The following GDF1 variants were observed in gnomAD, a reference collection of about 807,000 sequenced individuals.
The protein encoded by GDF1 is embryonic growth/differentiation factor 1.
In GDF1, 8 loss-of-function variants were observed where a neutral mutation model predicts 7.4. The observed-to-expected ratio is 1.09, with a 90% CI of 0.64 to 1.96. The LOEUF is 1.96. Among genes scored for constraint, GDF1 ranks in the 30% most tolerant of loss-of-function variants. GDF1 has a pLI of 0.00. For synonymous variants in GDF1, 311 were observed against 276.7 expected, an observed-to-expected ratio of 1.12 and a Z score of -1.23; for missense variants, 574 against 551.5, an observed-to-expected ratio of 1.04 and a Z score of -0.41.
At chr19:18,892,803 C>G (rs372159137) in intron 2 of GDF1, among the ~76,000 whole-genome samples, 37 of 152,272 alleles carry the variant, frequency 2.4e-4, no homozygotes, top group East Asian at 1.4e-3. Flanking sequence ...AGCTCCAACA[C>G]GGCCAGATAC....
chr19:18,884,441 C>T (rs2056299903), intron 2 of GDF1, among the ~76,000 whole-genome samples, 174 bp from the exon 3 acceptor site: 1 of 149,940 alleles, frequency 6.7e-6, no homozygotes, highest in Non-Finnish European at 1.5e-5. Context: ...TTCTTTGAGA[C>T]GGAGTCTCCC....
intron 2 of GDF1, among the ~76,000 whole-genome samples, chr19:18,885,823 C>T: frequency 6.6e-6 from 1 of 152,108 alleles, no homozygotes; most frequent in East Asian, 1.9e-4. Context: ...CCGGCCTCTT[C>T]CTGTCTTTAA....
chr19:18,883,871 C>T (rs2146031952), intron 3 of GDF1, among the ~76,000 whole-genome samples: 1 of 152,340 alleles, frequency 6.6e-6, no homozygotes, highest in Non-Finnish European at 1.5e-5. Flanking sequence ...CCAGCGGAAT[C>T]TCCCTCAGGA....
Position 18,869,015 on chromosome 19 carries a change from G to A in GDF1, c.701C>T (p.Ser234Leu). The change falls in exon 8 of 8, where the codon TCG becomes TTG. Residue 234 changes from serine (S) to leucine (L), a missense_variant. Transcript: ENST00000247005. ...PAACARLAEASLLLVTLDPRL... is the reference protein window; with the variant it reads ...PAACARLAEALLLLVTLDPRL... ...CGGGTCGAGGGTCACCAGCAGCAGC[G>A]AGGCCTCGGCCAGGCGCGCGCAGGC... The A allele has an allele frequency of 9.2e-7, 1 of 1,092,062 alleles. No homozygotes were observed. Among genetic ancestry groups the A allele is most frequent in the Non-Finnish European group, 1.1e-6 (1 of 899,392 alleles). 67.6% of individuals were successfully genotyped at this position (1,092,062 alleles called of 1,614,324 possible). A position where few individuals can be genotyped will look rare whatever the true frequency, so the allele number is the denominator to read the frequency against.
intron 3 of GDF1, 23 bp from the exon 4 acceptor site, chr19:18,880,458 G>C: frequency 5.1e-6 from 8 of 1,562,098 alleles, no homozygotes; most frequent in Non-Finnish European, 7.0e-6. Context: ...CAGGCAGAGA[G>C]GAGAGGGCAG....
At position 18,896,031 on chromosome 19, in the gene GDF1, C is replaced by A. The variant is rs1453391960; in HGVS notation, c.-1281G>T. ...CTAGCTGCGCGTAGCTCGGCATGGG[C>A]TCGGGCCCCGTCGGCCCCGCCGCGG... On this transcript the variant is annotated 5_prime_UTR_variant, in exon 1 of 8. Coordinates refer to ENST00000247005, the MANE Select transcript of GDF1 (RefSeq NM_001492.6). This position sits in a 1 kb window ranked among gnomAD's most constrained non-coding sequence, Gnocchi z 5.9. 2.0e-6 allele frequency: 2 copies of A among 995,102 alleles called. No individual in the cohort carries two copies. Among genetic ancestry groups the A allele is most frequent in the African/African-American group, 1.8e-5 (1 of 56,836 alleles). 61.6% of individuals were successfully genotyped at this position (995,102 alleles called of 1,614,324 possible).
Position 18,868,768 on chromosome 19 carries a change from G to C in GDF1, c.948C>G (p.Asn316Lys). 1 of 1,478,900 alleles carries C rather than the reference G, an allele frequency of 6.8e-7. No individual in the cohort carries two copies. Among genetic ancestry groups the C allele is most frequent in the Non-Finnish European group, 9.0e-7 (1 of 1,107,900 alleles). The allele number at this position is 1,478,900 out of a possible 1,614,324, so 91.6% of individuals were successfully genotyped here. ...GCATGAGCGCGCGCAGCACAGCGTG[G>C]TTGAGCGCCGGCGGCCCCCCGGACC... ...LSGSGGPPAL[N>K]HAVLRALMHA... The change falls in exon 8 of 8, where the codon AAC (asparagine) becomes AAG (lysine). Residue 316 changes from asparagine (N) to lysine (K), a missense_variant. Transcript: ENST00000247005.
intron 2 of GDF1, among the ~76,000 whole-genome samples, chr19:18,885,567 T>A (rs1601175740): frequency 6.8e-6 from 1 of 146,016 alleles, no homozygotes; most frequent in East Asian, 2.0e-4. Flanking sequence ...TAGCCCAGGC[T>A]GGAGTGCAGT....
intron 4 of GDF1, 62 bp downstream of exon 4, chr19:18,880,212 C>A: frequency 6.8e-7 from 1 of 1,461,182 alleles, no homozygotes; most frequent in Non-Finnish European, 9.1e-7. Context: ...CGCCCCTTTT[C>A]TGGACACACC....
chr19:18,875,981 C>T (rs998571954), intron 6 of GDF1, among the ~76,000 whole-genome samples: 2 of 152,206 alleles, frequency 1.3e-5, no homozygotes, highest in South Asian at 4.1e-4. Flanking sequence ...AGAATAAGTT[C>T]CTGTGGTTTT....
rs143416454 is a variant in GDF1 at position 18,885,517 on chromosome 19, T to TGTTTTG, written c.-913-1251_-913-1250insCAAAAC. Among the ~76,000 whole-genome samples the TGTTTTG allele has an allele frequency of 2.2e-5, 3 of 137,542 alleles. 1 individual carries two copies. The highest frequency in any genetic ancestry group is 3.1e-5 in the Non-Finnish European group (2 of 64,708). The allele number at this position is 137,542 out of a possible 152,430, so 90.2% of individuals were successfully genotyped here. On this transcript the variant is annotated intron_variant, in intron 2 of 7. Coordinates refer to ENST00000247005, the MANE Select transcript of GDF1 (RefSeq NM_001492.6). Reference sequence around the variant, plus strand: ...CAGCCCAGCGCCCCTTCTCGTTTTTTTTTTTTTTTTTTTTTTTTTTGAGAT... The same window carrying TGTTTTG: ...CAGCCCAGCGCCCCTTCTCGTTTTTTGTTTTGTTTTTTTTTTTTTTTTTTTTGAGAT...
chr19:18,870,563 C>A lies in GDF1; in HGVS notation c.-256G>T. 6.8e-6 allele frequency: 1 copy of A among 147,964 alleles called. No homozygotes were observed. The highest frequency in any genetic ancestry group is 1.4e-4 in the East Asian group (1 of 7,252). The allele number at this position is 147,964 out of a possible 1,614,324, so 9.2% of individuals were successfully genotyped here. A position where few individuals can be genotyped will look rare whatever the true frequency, so the allele number is the denominator to read the frequency against. On this transcript the variant is annotated 5_prime_UTR_variant, in exon 7 of 8. Transcript: ENST00000247005. The surrounding 1 kb of genome is among the most constrained non-coding windows in gnomAD (Gnocchi z 5.1). ...CGGGGTGGGGCCGGGTCCACGGGGG[C>A]GGGGCCGAGGGGTTCAGAAGCGCTT...
At chr19:18,884,391 A>T in intron 2 of GDF1, 124 bp from the exon 3 acceptor site, 3 of 826,214 alleles carry the variant, frequency 3.6e-6, no homozygotes, top group Non-Finnish European at 5.4e-6. Context: ...TGCGTGTCTG[A>T]CTGCTGGCTT....
chr19:18,883,079 C>T lies in GDF1; in HGVS notation c.-733+1008G>A, dbSNP rs540220410. On this transcript the variant is annotated intron_variant, in intron 3 of 7. Transcript: ENST00000247005. The stretch of plus-strand genomic sequence containing the variant: ...GTTCAAGCAATCCTCCTGACTCAGC[C>T]TTCTAAGTAGCTGGGGGACTACAGG... 7 of 152,298 alleles carry T rather than the reference C, an allele frequency of 4.6e-5. No individual in the cohort carries two copies. The East Asian group carries it at 1.2e-3, about 25-fold the overall frequency. The allele number at this position is 152,298 out of a possible 1,614,324, so 9.4% of individuals were successfully genotyped here. A position where few individuals can be genotyped will look rare whatever the true frequency, so the allele number is the denominator to read the frequency against.
Position 18,880,431 on chromosome 19 carries a change from G to A in GDF1, c.-728C>T. ...AAGAGCACAAGGATGCCCACATTGT[G>A]GTACCTGGGGGAGCAGCAGGCAGAG... is the stretch of plus-strand genomic sequence containing the variant. On this transcript the variant is annotated 5_prime_UTR_variant, in exon 4 of 8. Transcript: ENST00000247005. 6.3e-7 allele frequency: 1 copy of A among 1,580,902 alleles called. No homozygotes were observed. Among genetic ancestry groups the A allele is most frequent in the Non-Finnish European group, 8.6e-7 (1 of 1,160,998 alleles).
chr19:18,879,901 G>A (rs183995697), intron 4 of GDF1, among the ~76,000 whole-genome samples: 1 of 145,832 alleles, frequency 6.9e-6, no homozygotes, highest in Admixed American at 7.0e-5. Context: ...CTCTTTCTCT[G>A]CCTAGCCCTA....
At position 18,870,933 on chromosome 19, in the gene GDF1, CGTACCG is replaced by C. The variant is rs1364448456; in HGVS notation, c.-312-320_-312-315del. ...CCAGGCCGCTGGAGGGCAAAACCCA[CGTACCG>C]GCCTGGGCCTGACAACTCCACCGCC... On this transcript the variant is annotated intron_variant, in intron 6 of 7. Coordinates refer to ENST00000247005, the MANE Select transcript of GDF1 (RefSeq NM_001492.6). The surrounding 1 kb of genome is among the most constrained non-coding windows in gnomAD (Gnocchi z 5.1). 6.6e-6 allele frequency among the ~76,000 whole-genome samples: 1 copy of C among 152,166 alleles called. No homozygotes were observed. Among genetic ancestry groups the C allele is most frequent in the Non-Finnish European group, 1.5e-5 (1 of 68,024 alleles).
chr19:18,877,920 C>G (rs2146006313), intron 6 of GDF1: 5 of 967,332 alleles, frequency 5.2e-6, no homozygotes, highest in Non-Finnish European at 6.1e-6. Context: ...CTTGAGTCGT[C>G]TTTGATTCTT....
At position 18,884,000 on chromosome 19, in the gene GDF1, G is replaced by A. The variant is rs1314059994; in HGVS notation, c.-733+87C>T. On this transcript the variant is annotated intron_variant, in intron 3 of 7. Transcript: ENST00000247005. Reference sequence around the variant, plus strand: ...TCCGACCTGATGTGATCCCCTCCACGGCCTCCTCTGTGCCCCGCCGCAACA... The same window carrying A: ...TCCGACCTGATGTGATCCCCTCCACAGCCTCCTCTGTGCCCCGCCGCAACA... 2.8e-5 allele frequency: 39 copies of A among 1,400,276 alleles called. No individual in the cohort carries two copies. The East Asian group carries it at 7.2e-4, about 26-fold the overall frequency. 86.7% of individuals were successfully genotyped at this position (1,400,276 alleles called of 1,614,324 possible).
Sources: gnomAD v4.1 joint callset for allele counts (sites outside exome capture counted in the v4.1 genomes callset) on GRCh38, gnomAD v4.1.1 for gene constraint, Gnocchi (gnomAD v3.1) non-coding constraint, MANE v1.5 for transcripts, NCBI Gene and HGNC (gene_info 2026-07-23, HGNC 2026-07-21) for gene names.